VPS45: variants seen among roughly 807,000 people sequenced by gnomAD.
VPS45 encodes vacuolar protein sorting-associated protein 45.
A neutral mutation model predicts 75.9 loss-of-function variants in VPS45; 35 were observed. That is an observed-to-expected ratio of 0.46 (90% CI 0.35 to 0.61). VPS45 has a LOEUF of 0.61. Ranked by LOEUF, VPS45 falls within the 20% of genes least tolerant of loss-of-function variation. The pLI is 0.00. For synonymous variants in VPS45, 220 were observed against 238.2 expected (o/e 0.92, Z 0.70); for missense variants, 559 against 685.9 (o/e 0.81, Z 2.07).
At chr1:150,144,183 G>A (rs1164343458) in intron 14 of VPS45, among the ~76,000 whole-genome samples, 5 of 151,692 alleles carry the variant, frequency 3.3e-5, no homozygotes, top group Non-Finnish European at 7.4e-5. Flanking sequence ...TCCTGGGCTC[G>A]AGCAATCCAC....
chr1:150,068,274 GT>G, intron 1 of VPS45: 1 of 373,874 alleles, frequency 2.7e-6, no homozygotes, highest in Non-Finnish European at 4.8e-6. Flanking sequence ...TCAACATTGT[GT>G]TTTTAAAGTA....
At position 150,076,263 on chromosome 1, in the gene VPS45, T is replaced by C; in HGVS notation, c.320T>C (p.Val107Ala). The C allele has an allele frequency of 6.2e-7, 1 of 1,608,562 alleles. No individual in the cohort carries two copies. Among genetic ancestry groups the C allele is most frequent in the Non-Finnish European group, 8.5e-7 (1 of 1,177,100 alleles). ...YFSNVISKSD[V>A]KSLAEADEQE... ...AGTAATGTGATCAGCAAGAGTGACGTGAAGTCATTGGCTGAAGCTGATGAA... is the reference window on the plus strand; with the variant it reads ...AGTAATGTGATCAGCAAGAGTGACGCGAAGTCATTGGCTGAAGCTGATGAA... The change falls in exon 4 of 15, where the codon GTG (valine) becomes GCG (alanine). Residue 107 changes from valine to alanine, a missense_variant. By Grantham distance (64) the Val-to-Ala change is moderately conservative (BLOSUM62 0). Transcript: ENST00000644510.
intron 10 of VPS45, among the ~76,000 whole-genome samples, chr1:150,087,662 A>C (rs1202336643): frequency 6.6e-6 from 1 of 152,212 alleles, no homozygotes; most frequent in East Asian, 1.9e-4. Context: ...CAAGGCAGAC[A>C]AAAAGGTCCT....
chr1:150,082,440 A>G (rs934539921), intron 9 of VPS45, among the ~76,000 whole-genome samples: 4 of 147,948 alleles, frequency 2.7e-5, no homozygotes, highest in Non-Finnish European at 5.9e-5. Context: ...TGGGAGGCGG[A>G]GGTTGGGAGG....
chr1:150,079,549 C>A (rs1409742289), intron 7 of VPS45, among the ~76,000 whole-genome samples: 2 of 152,098 alleles, frequency 1.3e-5, no homozygotes, highest in Non-Finnish European at 2.9e-5. Context: ...CACAGGTGCA[C>A]ACCCCCACAC....
intron 14 of VPS45, among the ~76,000 whole-genome samples, chr1:150,143,986 T>C (rs782451673): frequency 1.3e-5 from 2 of 152,322 alleles, no homozygotes; most frequent in African/African-American, 2.4e-5. Flanking sequence ...AAAATGAATA[T>C]AAGTATTCTT....
chr1:150,098,269 A>C (rs587689223), intron 13 of VPS45, among the ~76,000 whole-genome samples: 1 of 152,330 alleles, frequency 6.6e-6, no homozygotes, highest in South Asian at 2.1e-4. Flanking sequence ...AGGTATTGTA[A>C]TCTTGAAGTA....
At chr1:150,089,715 A>C (rs1553801540) in intron 10 of VPS45, among the ~76,000 whole-genome samples, 1 of 152,150 alleles carries the variant, frequency 6.6e-6, no homozygotes, top group African/African-American at 2.4e-5. Flanking sequence ...AGATACATAC[A>C]TAATTTGTAC....
Position 150,078,912 on chromosome 1 carries a change from C to A in VPS45, c.687+1133C>A, listed in dbSNP as rs1360582446. 3.9e-5 allele frequency among the ~76,000 whole-genome samples: 6 copies of A among 152,084 alleles called. No homozygotes were observed. In the East Asian group the frequency reaches 1.2e-3, roughly 29 times the overall value. On this transcript the variant is annotated intron_variant, in intron 7 of 14. Coordinates refer to ENST00000644510, the MANE Select transcript of VPS45 (RefSeq NM_007259.5). ...ATCACCTGAGGTCCTGAGTTTGAGA[C>A]CAGCCTGGCCAACATGATGAAACCC...
rs1312077169 is a variant in VPS45, at chr1:150,074,016, G to T, written c.289+1790G>T. Among the ~76,000 whole-genome samples the T allele has an allele frequency of 3.3e-3, 489 of 147,392 alleles. 3 individuals are homozygous for T. The highest frequency in any genetic ancestry group is 0.011 in the African/African-American group (458 of 40,172). On this transcript the variant is annotated intron_variant, in intron 3 of 14. Transcript: ENST00000644510. ...CTGTGTGTGTGTGTGTGTTGTTTTT[G>T]TTTTTTTTTTTTGTCCGAGAAGCAG...
At chr1:150,074,140 G>A (rs1227463022) in intron 3 of VPS45, among the ~76,000 whole-genome samples, 2 of 151,372 alleles carry the variant, frequency 1.3e-5, no homozygotes, top group Admixed American at 6.6e-5. Flanking sequence ...TCAGCCTCCC[G>A]AGTAGCTAGG....
At chr1:150,100,027 A>T (rs1553803920) in intron 13 of VPS45, among the ~76,000 whole-genome samples, 1 of 152,216 alleles carries the variant, frequency 6.6e-6, no homozygotes, top group East Asian at 1.9e-4. Context: ...AGTGCATCCA[A>T]ACAGGAAAAC....
intron 13 of VPS45, among the ~76,000 whole-genome samples, chr1:150,103,753 T>C (rs1657170734): frequency 6.6e-6 from 1 of 152,202 alleles, no homozygotes; most frequent in Admixed American, 6.5e-5. Context: ...AGAGGATAGC[T>C]ATGGTGAAGC....
rs184563566 is a variant in VPS45 at position 150,102,612 on chromosome 1, C to T, written c.1494-7884C>T. On this transcript the variant is annotated intron_variant, in intron 13 of 14. Coordinates refer to ENST00000644510, the MANE Select transcript of VPS45 (RefSeq NM_007259.5). ...AGCACTTTTCACAATAGTTAAGACA[C>T]GGAATCAACCTAAATGCCCACCAAT... Among the ~76,000 whole-genome samples the T allele has an allele frequency of 2.2e-4, 33 of 150,592 alleles. 1 individual carries two copies. The East Asian group carries it at 5.1e-3, about 23-fold the overall frequency.
At chr1:150,125,722 T>A (rs1220105708) in intron 14 of VPS45, among the ~76,000 whole-genome samples, 2 of 152,084 alleles carry the variant, frequency 1.3e-5, no homozygotes, top group Non-Finnish European at 2.9e-5. Context: ...TGGAGTCTCC[T>A]CTGTTGCCCA....
Position 150,081,738 on chromosome 1 carries a change from G to A in VPS45, c.823-146G>A, listed in dbSNP as rs1341672739. ...AGAATAGTAATGGTATTCATCAACA[G>A]TGTCCCAGCTAATGTCCAAATTTGG... is the stretch of plus-strand genomic sequence containing the variant. On this transcript the variant is annotated intron_variant, in intron 8 of 14. Transcript: ENST00000644510. 1.7e-5 allele frequency: 11 copies of A among 644,662 alleles called. No individual in the cohort carries two copies. In the East Asian group the frequency reaches 2.8e-4, roughly 16 times the overall value. 39.9% of individuals were successfully genotyped at this position (644,662 alleles called of 1,614,324 possible).
intron 14 of VPS45, among the ~76,000 whole-genome samples, chr1:150,141,547 C>A (rs1659391797): frequency 6.6e-6 from 1 of 152,180 alleles, no homozygotes; most frequent in Non-Finnish European, 1.5e-5. Context: ...GAGAAGCTTG[C>A]TTTTCAGTGT....
At chr1:150,104,192 G>A (rs587772501) in intron 13 of VPS45, among the ~76,000 whole-genome samples, 1 of 152,030 alleles carries the variant, frequency 6.6e-6, no homozygotes, top group African/African-American at 2.4e-5. Context: ...CCCCTCTTTT[G>A]GAGTCCCCCA....
At chr1:150,075,754 A>G (rs947227917) in intron 3 of VPS45, among the ~76,000 whole-genome samples, 1 of 151,930 alleles carries the variant, frequency 6.6e-6, no homozygotes, top group Non-Finnish European at 1.5e-5. Context: ...TAGTATTCTC[A>G]TTCTCCAATT....
Sources: gnomAD v4.1 joint callset for allele counts (sites outside exome capture counted in the v4.1 genomes callset) on GRCh38, gnomAD v4.1.1 for gene constraint, MANE v1.5 for transcripts, NCBI Gene and HGNC (gene_info 2026-07-23, HGNC 2026-07-21) for gene names.